CNOT1: variants seen among roughly 807,000 people sequenced by gnomAD.
The protein encoded by CNOT1 is CCR4-NOT transcription complex subunit 1.
Under a neutral mutation model 273.8 loss-of-function variants are expected in CNOT1, and 15 were observed. The ratio of observed to expected loss-of-function variants is 0.05; its 90% CI spans 0.04 to 0.08. The LOEUF is 0.08. Ranked by LOEUF, CNOT1 falls within the 10% of genes least tolerant of loss-of-function variation. The pLI, the probability that CNOT1 is intolerant of heterozygous loss-of-function variation, is 1.00. For missense variants in CNOT1, 1,644 were observed against 2,912.2 expected (o/e 0.56, Z 10.02); for synonymous variants, 1,022 against 1,005.5 (o/e 1.02, Z -0.31).
intron 42 of CNOT1, among the ~76,000 whole-genome samples, chr16:58,531,117 A>G (rs920735485): frequency 5.3e-5 from 8 of 152,226 alleles, no homozygotes; most frequent in South Asian, 2.1e-4. Flanking sequence ...TTTTCAGCCA[A>G]TGTCAGCCTG....
intron 46 of CNOT1, 35 bp downstream of exon 46, chr16:58,525,144 G>C (rs373434450): frequency 1.3e-6 from 2 of 1,599,240 alleles, no homozygotes; most frequent in Admixed American, 1.7e-5. Flanking sequence ...AAAGCACAGA[G>C]AACTCTACTC....
At chr16:58,561,903 G>A (rs537530219) in intron 16 of CNOT1, among the ~76,000 whole-genome samples, 4 of 152,190 alleles carry the variant, frequency 2.6e-5, no homozygotes, top group Non-Finnish European at 5.9e-5. Context: ...GGCCGGGTGC[G>A]GTGGCTCATG....
At chr16:58,560,752 T>C (rs1295427124) in intron 16 of CNOT1, among the ~76,000 whole-genome samples, 1 of 152,128 alleles carries the variant, frequency 6.6e-6, no homozygotes, top group Non-Finnish European at 1.5e-5. Flanking sequence ...AGGCTGAGCG[T>C]AGTGGTTCAT....
chr16:58,600,762 A>AAG (rs1211029404), intron 1 of CNOT1, among the ~76,000 whole-genome samples: 2 of 152,186 alleles, frequency 1.3e-5, no homozygotes, highest in Non-Finnish European at 2.9e-5. Flanking sequence ...TATCAGTTTA[A>AAG]CTCCAACCAC....
chr16:58,595,825 C>A (rs1016506180), intron 2 of CNOT1, among the ~76,000 whole-genome samples: 3 of 152,198 alleles, frequency 2.0e-5, no homozygotes, highest in African/African-American at 7.2e-5. Flanking sequence ...CAGTAACTAG[C>A]CAGACAACCC....
intron 1 of CNOT1, among the ~76,000 whole-genome samples, chr16:58,607,268 T>C (rs1314084527): frequency 1.3e-5 from 2 of 152,198 alleles, no homozygotes; most frequent in Non-Finnish European, 2.9e-5. Context: ...GCATGAAAGA[T>C]GGCTGGCCAG....
chr16:58,546,181 T>A (rs887095898), intron 29 of CNOT1, 140 bp downstream of exon 29: 1 of 706,200 alleles, frequency 1.4e-6, no homozygotes, highest in African/African-American at 1.8e-5. Flanking sequence ...GCTTGATAAT[T>A]AGAAGGCTCA....
chr16:58,600,743 CAG>C (rs1420419156), intron 1 of CNOT1, among the ~76,000 whole-genome samples: 3 of 152,152 alleles, frequency 2.0e-5, no homozygotes, highest in Non-Finnish European at 4.4e-5. Context: ...GCTAAAATGA[CAG>C]GATTATTATC....
chr16:58,521,966 T>C (rs1166075141), intron 47 of CNOT1, among the ~76,000 whole-genome samples: 1 of 150,442 alleles, frequency 6.6e-6, no homozygotes, highest in Admixed American at 6.6e-5. Flanking sequence ...AACAGATAAA[T>C]TAAATAAATA....
rs66711143 is a variant in CNOT1, at chr16:58,601,734, T to TAA, written c.-174-2225_-174-2224dup. On this transcript the variant is annotated intron_variant, in intron 1 of 48. Transcript: ENST00000317147. ...ATATGCTAGTGCTCCATACCCACCT[T>TAA]AAAAAAAAAAAAAAAAAAAAGCCTG... 5.8e-4 allele frequency among the ~76,000 whole-genome samples: 53 copies of TAA among 91,506 alleles called. 4 individuals are homozygous for TAA. The highest frequency in any genetic ancestry group is 4.2e-3 in the South Asian group (11 of 2,648). The allele number at this position is 91,506 out of a possible 152,430, so 60.0% of individuals were successfully genotyped here. A position where few individuals can be genotyped will look rare whatever the true frequency, so the allele number is the denominator to read the frequency against.
At chr16:58,607,736 AAAGAAAG>A (rs1211829031) in intron 1 of CNOT1, among the ~76,000 whole-genome samples, 2,135 of 116,892 alleles carry the variant, frequency 0.018, 30 homozygotes, top group Non-Finnish European at 0.026. Flanking sequence ...AAAAAAAAAA[AAAGAAAG>A]AAAGAAAGAA....
At chr16:58,559,752 T>C (rs2040765295) in intron 17 of CNOT1, 2 of 492,224 alleles carry the variant, frequency 4.1e-6, no homozygotes, top group African/African-American at 3.9e-5. Context: ...GCGCAATATG[T>C]TGCTCCCAGA....
intron 31 of CNOT1, 45 bp downstream of exon 31, chr16:58,543,562 G>A (rs1378807048): frequency 6.2e-7 from 1 of 1,613,480 alleles, no homozygotes; most frequent in South Asian, 1.1e-5. Flanking sequence ...TTACAGACAA[G>A]CAGTAATACG....
Position 58,546,311 on chromosome 16 carries a change from G to C in CNOT1, c.4006+10C>G, listed in dbSNP as rs2040256593. 1.2e-6 allele frequency: 2 copies of C among 1,609,776 alleles called. No individual in the cohort carries two copies. Among genetic ancestry groups the C allele is most frequent in the African/African-American group, 2.7e-5 (2 of 74,784 alleles). On this transcript the variant is annotated intron_variant, in intron 29 of 48. Coordinates refer to ENST00000317147, the MANE Select transcript of CNOT1 (RefSeq NM_016284.5). ...AACAGAAGCCTTCCTTGACTAATTA[G>C]CACACTTACTTGTGGTTGTGATGGG... is the stretch of plus-strand genomic sequence containing the variant.
intron 12 of CNOT1, 31 bp downstream of exon 12, chr16:58,580,602 T>C (rs1426954235): frequency 1.3e-6 from 2 of 1,594,568 alleles, no homozygotes; most frequent in East Asian, 4.5e-5. Flanking sequence ...AGAAGTAATC[T>C]TTTAAATGAA....
rs2039657291 is a variant in CNOT1 at position 58,528,038 on chromosome 16, G to T, written c.6453+437C>A. On this transcript the variant is annotated intron_variant, in intron 44 of 48. Transcript: ENST00000317147. ...TGAGGCGGGAGAATAGCTTGAACCA[G>T]CGAAGGGGAGGTTGCAGTAAGCCGA... 3 of 404,716 alleles carry T rather than the reference G, an allele frequency of 7.4e-6. No individual in the cohort carries two copies. In the East Asian group the frequency reaches 2.2e-4, roughly 30 times the overall value. The allele number at this position is 404,716 out of a possible 1,614,324, so 25.1% of individuals were successfully genotyped here. A position where few individuals can be genotyped will look rare whatever the true frequency, so the allele number is the denominator to read the frequency against.
At chr16:58,537,784 T>C (rs2039969920) in intron 38 of CNOT1, 107 bp downstream of exon 38, 22 of 1,432,010 alleles carry the variant, frequency 1.5e-5, no homozygotes, top group Middle Eastern at 1.8e-4. Flanking sequence ...CCATATGTGG[T>C]TGGTAAAGCA....
chr16:58,596,908 A>AC (rs2042279964), intron 2 of CNOT1, among the ~76,000 whole-genome samples: 1 of 148,024 alleles, frequency 6.8e-6, no homozygotes, highest in Admixed American at 6.7e-5. Flanking sequence ...AAAAAAAAAA[A>AC]AAAAAAAAAC....
intron 1 of CNOT1, among the ~76,000 whole-genome samples, chr16:58,619,926 TAG>T (rs146772850): frequency 0.044 from 6,706 of 152,224 alleles, 467 homozygotes; most frequent in African/African-American, 0.15. Flanking sequence ...TGTAGATTAC[TAG>T]AGATAGTCAT....
Sources: allele counts gnomAD v4.1 joint callset (sites outside exome capture counted in the v4.1 genomes callset), GRCh38; gene constraint gnomAD v4.1.1; transcripts MANE v1.5; gene names NCBI Gene and HGNC (gene_info 2026-07-23, HGNC 2026-07-21).